Variants in SLC7A8 observed in about 807,000 individuals in gnomAD.
SLC7A8 encodes the protein solute carrier family 7 member 8.
Under a neutral mutation model 51.2 loss-of-function variants are expected in SLC7A8, and 30 were observed. The observed-to-expected ratio is 0.59, with a 90% CI of 0.44 to 0.80. The LOEUF is 0.80. Among genes scored for constraint, SLC7A8 ranks in the 30% least tolerant of loss-of-function variants. The probability of loss-of-function intolerance (pLI) is 0.00; values close to 1 mark genes in which losing one functional copy is unlikely to be tolerated. For missense variants in SLC7A8, 612 were observed against 674.4 expected, an observed-to-expected ratio of 0.91 and a Z score of 1.03; for synonymous variants, 257 against 275.8, an observed-to-expected ratio of 0.93 and a Z score of 0.67.
intron 3 of SLC7A8, among the ~76,000 whole-genome samples, chr14:23,160,584 A>T (rs2048916221): frequency 1.3e-5 from 2 of 150,958 alleles, no homozygotes; most frequent in African/African-American, 4.9e-5. Flanking sequence ...AAAAAAAAAA[A>T]AAAAGGGCAC....
At chr14:23,139,663 G>A in intron 5 of SLC7A8, 116 bp from the exon 6 acceptor site, 10 of 1,270,150 alleles carry the variant, frequency 7.9e-6, no homozygotes, top group Non-Finnish European at 1.1e-5. Context: ...AGCCTTCTGT[G>A]AGGCTTCCTT....
chr14:23,180,490 A>C (rs1877125501), intron 1 of SLC7A8, among the ~76,000 whole-genome samples: 1 of 152,184 alleles, frequency 6.6e-6, no homozygotes, highest in South Asian at 2.1e-4. Flanking sequence ...AATAGTGCCT[A>C]TTAACTCTAC....
chr14:23,170,694 G>C (rs2048971352), intron 1 of SLC7A8, among the ~76,000 whole-genome samples: 1 of 151,224 alleles, frequency 6.6e-6, no homozygotes, highest in African/African-American at 2.4e-5. Context: ...CCTGACCTCA[G>C]GCAATCCGCC....
Position 23,158,639 on chromosome 14 carries a change from C to T in SLC7A8, c.508+6646G>A, listed in dbSNP as rs1271606925. Among the ~76,000 whole-genome samples, 3 of 152,246 alleles carry T rather than the reference C, an allele frequency of 2.0e-5. No homozygotes were observed. In the East Asian group the frequency reaches 5.8e-4, roughly 29 times the overall value. On this transcript the variant is annotated intron_variant, in intron 3 of 10. Coordinates refer to ENST00000316902, the MANE Select transcript of SLC7A8 (RefSeq NM_012244.4). ...GATTACAGGCGTAAGCCACCGCGCC[C>T]GGCCGACATAGAACACATTCTAACT...
At chr14:23,174,320 A>G (rs954248962) in intron 1 of SLC7A8, among the ~76,000 whole-genome samples, 6 of 152,264 alleles carry the variant, frequency 3.9e-5, no homozygotes, top group Non-Finnish European at 7.3e-5. Flanking sequence ...GAGAAAAGTA[A>G]TAATTCTGCA....
intron 3 of SLC7A8, among the ~76,000 whole-genome samples, chr14:23,145,739 C>T (rs2048788550): frequency 6.6e-6 from 1 of 152,132 alleles, no homozygotes; most frequent in Admixed American, 6.5e-5. Flanking sequence ...ACCTCTTCTG[C>T]TCCCCAGGAA....
chr14:23,153,167 C>A (rs1455347299), intron 3 of SLC7A8, among the ~76,000 whole-genome samples: 2 of 152,276 alleles, frequency 1.3e-5, no homozygotes, highest in Middle Eastern at 3.4e-3. Context: ...GGCTGAAGTG[C>A]AGTGGCATGA....
At chr14:23,133,889 T>C (rs74513830) in intron 7 of SLC7A8, among the ~76,000 whole-genome samples, 2,346 of 152,118 alleles carry the variant, frequency 0.015, 45 homozygotes, top group East Asian at 0.054. Context: ...TACATGAGAA[T>C]ATGCTCAAAA....
chr14:23,125,586 C>T lies in SLC7A8; in HGVS notation c.*1591G>A. ...GTCCCCTGACCCTCCAGGGGCCAAC[C>T]CCAGCCTGCCGGGCATCTACTCTGA... On this transcript the variant is annotated 3_prime_UTR_variant, in exon 11 of 11. Transcript: ENST00000316902. 6.6e-6 allele frequency: 1 copy of T among 152,616 alleles called. No individual in the cohort carries two copies. The allele number at this position is 152,616 out of a possible 1,614,324, so 9.5% of individuals were successfully genotyped here.
At position 23,138,155 on chromosome 14, in the gene SLC7A8, T is replaced by C. The variant is rs1350488932; in HGVS notation, c.913-131A>G. 21 of 1,161,524 alleles carry C rather than the reference T, an allele frequency of 1.8e-5. No homozygotes were observed. In the South Asian group the frequency reaches 2.9e-4, roughly 16 times the overall value. The allele number at this position is 1,161,524 out of a possible 1,614,324, so 72.0% of individuals were successfully genotyped here. ...AATTCTCTCTCGCCAAGCTTCTTAA[T>C]TGCCCCCACCCTCTCAAGGGTGGAC... On this transcript the variant is annotated intron_variant, in intron 6 of 10. Coordinates refer to ENST00000316902, the MANE Select transcript of SLC7A8 (RefSeq NM_012244.4).
intron 8 of SLC7A8, among the ~76,000 whole-genome samples, chr14:23,130,649 AC>A (rs1192654362): frequency 3.9e-5 from 6 of 152,228 alleles, no homozygotes; most frequent in Middle Eastern, 3.2e-3. Context: ...TTCTCCAGCC[AC>A]CTTCGACAAC....
intron 3 of SLC7A8, among the ~76,000 whole-genome samples, chr14:23,162,484 G>C (rs1173225403): frequency 6.6e-6 from 1 of 152,228 alleles, no homozygotes; most frequent in African/African-American, 2.4e-5. Context: ...CTGCTGAGAA[G>C]GCAGAGGCCA....
intron 6 of SLC7A8, 118 bp downstream of exon 6, chr14:23,139,306 A>T: frequency 6.6e-7 from 1 of 1,505,646 alleles, no homozygotes; most frequent in Non-Finnish European, 9.2e-7. Flanking sequence ...TGCCCTGAGA[A>T]CTTGGGGGTG....
chr14:23,131,315 A>T, intron 8 of SLC7A8, 146 bp downstream of exon 8: 1 of 549,344 alleles, frequency 1.8e-6, no homozygotes, highest in Non-Finnish European at 3.1e-6. Flanking sequence ...GATGGGTATC[A>T]TTTGCCAGAT....
intron 3 of SLC7A8, among the ~76,000 whole-genome samples, chr14:23,145,529 A>C (rs2048786319): frequency 1.8e-5 from 1 of 57,078 alleles, no homozygotes; most frequent in South Asian, 4.4e-4. Context: ...CACATCTCAA[A>C]AAAAAAAGAA....
chr14:23,165,550 C>T lies in SLC7A8; in HGVS notation c.357-114G>A. ...TTATTTTCAAGGATGCTGAAGAGCC[C>T]AGCCTCTGCCCCCACCCACAAATGA... On this transcript the variant is annotated intron_variant, in intron 2 of 10. Transcript: ENST00000316902. The surrounding 1 kb of genome is among the most constrained non-coding windows in gnomAD (Gnocchi z 4.2). 1.8e-6 allele frequency: 2 copies of T among 1,100,692 alleles called. No homozygotes were observed. The highest frequency in any genetic ancestry group is 2.5e-6 in the Non-Finnish European group (2 of 795,156). 68.2% of individuals were successfully genotyped at this position (1,100,692 alleles called of 1,614,324 possible). A position where few individuals can be genotyped will look rare whatever the true frequency, so the allele number is the denominator to read the frequency against.
chr14:23,170,016 G>A (rs1431335027), intron 1 of SLC7A8, among the ~76,000 whole-genome samples: 5 of 152,214 alleles, frequency 3.3e-5, no homozygotes, highest in Non-Finnish European at 7.4e-5. Flanking sequence ...TTGGAACACA[G>A]ATCTGATTCC....
At chr14:23,145,227 T>C (rs2048782012) in intron 3 of SLC7A8, among the ~76,000 whole-genome samples, 1 of 151,254 alleles carries the variant, frequency 6.6e-6, no homozygotes, top group South Asian at 2.1e-4. Context: ...CATTTCTTTG[T>C]ATTAAAATGA....
rs1161312768 is a variant in SLC7A8, at chr14:23,140,599, C to T, written c.660G>A (p.Lys220=). 1 of 1,614,066 alleles carries T rather than the reference C, an allele frequency of 6.2e-7. No individual in the cohort carries two copies. The highest frequency in any genetic ancestry group is 2.2e-5 in the East Asian group (1 of 44,880). ...CKGEYFWLEP[K]NAFENFQEPD... is the part of the protein sequence containing the mutation. Reference sequence around the variant, plus strand: ...GTTCCTGGAAATTCTCAAATGCATTCTTTGGCTCCAGCCAGAAGTACTCTC... The same window carrying T: ...GTTCCTGGAAATTCTCAAATGCATTTTTTGGCTCCAGCCAGAAGTACTCTC... The change falls in exon 5 of 11, where the codon AAG becomes AAA. Residue 220 remains lysine (K), a synonymous_variant. Transcript: ENST00000316902.
Sources: allele counts gnomAD v4.1 joint callset (sites outside exome capture counted in the v4.1 genomes callset), GRCh38; gene constraint gnomAD v4.1.1; non-coding constraint Gnocchi (gnomAD v3.1); transcripts MANE v1.5; gene names NCBI Gene and HGNC (gene_info 2026-07-23, HGNC 2026-07-21).